Variants in SERP2 observed in about 807,000 individuals in gnomAD.
SERP2 encodes stress-associated endoplasmic reticulum protein 2.
In SERP2, 6 loss-of-function variants were observed where a neutral mutation model predicts 9.1. That is an observed-to-expected ratio of 0.66 (90% CI 0.36 to 1.30). The LOEUF (loss-of-function observed/expected upper bound fraction) is 1.30, where lower values mean the gene tolerates loss of function less well. Ranked by LOEUF, SERP2 falls within the 50% of genes most tolerant of loss-of-function variation. The probability of loss-of-function intolerance (pLI) is 0.03; values close to 1 mark genes in which losing one functional copy is unlikely to be tolerated. For missense variants in SERP2, 58 were observed against 81.9 expected, an observed-to-expected ratio of 0.71 and a Z score of 1.13; for synonymous variants, 37 against 27.3, an observed-to-expected ratio of 1.35 and a Z score of -1.10.
chr13:44,397,673 T>C lies in SERP2; in HGVS notation c.*361T>C, dbSNP rs530417001. ...TTCTATGGATACAATCTCTCCTCCA[T>C]TGAGAATTGATTTTACAAATAAATG... On this transcript the variant is annotated 3_prime_UTR_variant, in exon 3 of 3. Coordinates refer to ENST00000379179, the MANE Select transcript of SERP2 (RefSeq NM_001010897.3). 1.0e-5 allele frequency: 3 copies of C among 301,118 alleles called. No individual in the cohort carries two copies. The highest frequency in any genetic ancestry group is 2.2e-5 in the African/African-American group (1 of 45,838). 18.7% of individuals were successfully genotyped at this position (301,118 alleles called of 1,614,324 possible). A position where few individuals can be genotyped will look rare whatever the true frequency, so the allele number is the denominator to read the frequency against.
At chr13:44,394,413 G>A (rs533470783) in intron 2 of SERP2, among the ~76,000 whole-genome samples, 15 of 152,270 alleles carry the variant, frequency 9.9e-5, no homozygotes, top group African/African-American at 1.7e-4. Flanking sequence ...ATGAGCCACC[G>A]CACCTGGACT....
intron 2 of SERP2, among the ~76,000 whole-genome samples, chr13:44,386,251 A>G (rs921899542): frequency 1.3e-5 from 2 of 152,142 alleles, no homozygotes; most frequent in African/African-American, 2.4e-5. Context: ...ACCCCAATCC[A>G]CCACTCTTTT....
intron 2 of SERP2, among the ~76,000 whole-genome samples, chr13:44,391,880 G>T (rs185111012): frequency 6.6e-6 from 1 of 152,058 alleles, no homozygotes; most frequent in Admixed American, 6.5e-5. Context: ...ATAGGGTGGG[G>T]TAGAAGTATT....
chr13:44,378,388 A>G (rs902043049), intron 1 of SERP2, among the ~76,000 whole-genome samples: 1 of 152,202 alleles, frequency 6.6e-6, no homozygotes, highest in Non-Finnish European at 1.5e-5. Context: ...ACACTATTAC[A>G]TACCTTCAGT....
intron 2 of SERP2, among the ~76,000 whole-genome samples, chr13:44,395,045 C>A (rs904935390): frequency 6.6e-6 from 1 of 152,238 alleles, no homozygotes; most frequent in Non-Finnish European, 1.5e-5. Context: ...CTGATCCTAA[C>A]TTTCTGCTCT....
At chr13:44,390,524 C>G (rs1202474113) in intron 2 of SERP2, 5 of 444,534 alleles carry the variant, frequency 1.1e-5, no homozygotes, top group Non-Finnish European at 1.8e-5. Context: ...AGTTCATCCT[C>G]GGGATCTGAG....
intron 1 of SERP2, among the ~76,000 whole-genome samples, chr13:44,376,020 A>T (rs529593429): frequency 6.6e-6 from 1 of 152,366 alleles, no homozygotes; most frequent in African/African-American, 2.4e-5. Flanking sequence ...ATATGCTCTG[A>T]TATGTCATGG....
At chr13:44,385,251 T>A (rs1412200304) in intron 2 of SERP2, among the ~76,000 whole-genome samples, 1 of 152,224 alleles carries the variant, frequency 6.6e-6, no homozygotes, top group African/African-American at 2.4e-5. Flanking sequence ...CATGTGCCTT[T>A]CATGCCTGCC....
At chr13:44,391,333 G>A (rs1167302478) in intron 2 of SERP2, among the ~76,000 whole-genome samples, 1 of 152,166 alleles carries the variant, frequency 6.6e-6, no homozygotes, top group Non-Finnish European at 1.5e-5. Flanking sequence ...GACTCTTTGG[G>A]TTTGCAAAGT....
At chr13:44,379,319 G>A (rs1442347555) in intron 1 of SERP2, among the ~76,000 whole-genome samples, 1 of 152,134 alleles carries the variant, frequency 6.6e-6, no homozygotes, top group African/African-American at 2.4e-5. Flanking sequence ...TCAGCAGATG[G>A]AAAGTTATTA....
chr13:44,386,276 C>G (rs1323309043), intron 2 of SERP2, among the ~76,000 whole-genome samples: 1 of 152,158 alleles, frequency 6.6e-6, no homozygotes, highest in Non-Finnish European at 1.5e-5. Flanking sequence ...TAAAAGTTAT[C>G]TTTATGAGAT....
Position 44,373,959 on chromosome 13 carries a change from G to T in SERP2, c.-67G>T. 7.0e-7 allele frequency: 1 copy of T among 1,434,984 alleles called. No homozygotes were observed. The highest frequency in any genetic ancestry group is 9.5e-7 in the Non-Finnish European group (1 of 1,052,484). The allele number at this position is 1,434,984 out of a possible 1,614,324, so 88.9% of individuals were successfully genotyped here. A position where few individuals can be genotyped will look rare whatever the true frequency, so the allele number is the denominator to read the frequency against. On this transcript the variant is annotated 5_prime_UTR_variant, in exon 1 of 3. Transcript: ENST00000379179. This position sits in a 1 kb window ranked among gnomAD's most constrained non-coding sequence, Gnocchi z 4.8. ...GCGGGGGCCTCGGCGGGACGCGCTC[G>T]GCCCTGTCGCAGGAGCTAACGCAGG... is the stretch of plus-strand genomic sequence containing the variant.
Position 44,379,718 on chromosome 13 carries a change from G to A in SERP2, c.157+5G>A. On this transcript the variant is annotated splice_donor_5th_base_variant and intron_variant, in intron 2 of 2. Coordinates refer to ENST00000379179, the MANE Select transcript of SERP2 (RefSeq NM_001010897.3). The stretch of plus-strand genomic sequence containing the variant: ...TTTTTGTTGTCTGTGGCTCAGGTAT[G>A]GGTGTTTCACTGAACTTATATCCCA... 6.2e-7 allele frequency: 1 copy of A among 1,603,662 alleles called. No individual in the cohort carries two copies. Among genetic ancestry groups the A allele is most frequent in the Non-Finnish European group, 8.5e-7 (1 of 1,172,834 alleles).
intron 1 of SERP2, among the ~76,000 whole-genome samples, chr13:44,378,740 TG>T (rs1377040076): frequency 6.6e-6 from 1 of 152,224 alleles, no homozygotes; most frequent in African/African-American, 2.4e-5. Flanking sequence ...AGAAAATATT[TG>T]TTGTTCTGAC....
chr13:44,390,170 C>T (rs1872551359), intron 2 of SERP2, among the ~76,000 whole-genome samples: 1 of 152,202 alleles, frequency 6.6e-6, no homozygotes, highest in African/African-American at 2.4e-5. Flanking sequence ...AAAACATCCC[C>T]TATTTTTCCT....
intron 2 of SERP2, 30 bp downstream of exon 2, chr13:44,379,743 A>G: frequency 6.6e-7 from 1 of 1,513,218 alleles, no homozygotes; most frequent in Non-Finnish European, 9.1e-7. Context: ...CTTATATCCC[A>G]TGTTCTCCAC....
chr13:44,396,033 C>T, intron 2 of SERP2: 1 of 263,112 alleles, frequency 3.8e-6, no homozygotes, highest in South Asian at 4.1e-5. Context: ...TGACACTGAA[C>T]ACTCATGAAA....
chr13:44,392,610 G>T (rs1442006013), intron 2 of SERP2, among the ~76,000 whole-genome samples: 1 of 152,036 alleles, frequency 6.6e-6, no homozygotes, highest in Non-Finnish European at 1.5e-5. Flanking sequence ...GTTATCAATT[G>T]GAGGTGTCAG....
Position 44,397,544 on chromosome 13 carries a change from G to A in SERP2, c.*232G>A, listed in dbSNP as rs1430292438. 2 of 571,194 alleles carry A rather than the reference G, an allele frequency of 3.5e-6. No individual in the cohort carries two copies. The highest frequency in any genetic ancestry group is 3.8e-5 in the African/African-American group (2 of 53,120). 35.4% of individuals were successfully genotyped at this position (571,194 alleles called of 1,614,324 possible). On this transcript the variant is annotated 3_prime_UTR_variant, in exon 3 of 3. Transcript: ENST00000379179. ...GGACATTTTGCTTTTCTGTTGGCAG[G>A]ATTAGTAGCCACGCGGGTCGTCCGC...
Sources: allele counts gnomAD v4.1 joint callset (sites outside exome capture counted in the v4.1 genomes callset), GRCh38; gene constraint gnomAD v4.1.1; non-coding constraint Gnocchi (gnomAD v3.1); transcripts MANE v1.5; gene names NCBI Gene and HGNC (gene_info 2026-07-23, HGNC 2026-07-21).